Variants in RPH3A observed in about 807,000 individuals in gnomAD.
The protein encoded by RPH3A is rabphilin 3A.
Under a neutral mutation model 102.2 loss-of-function variants are expected in RPH3A, and 48 were observed. That is an observed-to-expected ratio of 0.47 (90% CI 0.37 to 0.60). RPH3A has a LOEUF of 0.60. Ranked by LOEUF, RPH3A falls within the 20% of genes least tolerant of loss-of-function variation. The pLI is 0.00. For missense variants in RPH3A, 781 were observed against 910.1 expected, an observed-to-expected ratio of 0.86 and a Z score of 1.83; for synonymous variants, 310 against 324.3, an observed-to-expected ratio of 0.96 and a Z score of 0.47.
chr12:112,612,135 TG>T (rs1313846820), intron 1 of RPH3A, among the ~76,000 whole-genome samples: 3 of 152,240 alleles, frequency 2.0e-5, no homozygotes, highest in Admixed American at 1.3e-4. Context: ...CAATGTCTAT[TG>T]AATAACTCAG....
intron 1 of RPH3A, among the ~76,000 whole-genome samples, chr12:112,744,438 C>T (rs189654066): frequency 5.3e-5 from 8 of 152,228 alleles, no homozygotes; most frequent in East Asian, 1.9e-4. Flanking sequence ...ACTCTGACTC[C>T]GTGGTATTTA....
At chr12:112,762,748 G>A (rs2040862337) in intron 1 of RPH3A, among the ~76,000 whole-genome samples, 1 of 152,152 alleles carries the variant, frequency 6.6e-6, no homozygotes, top group Non-Finnish European at 1.5e-5. Flanking sequence ...GGGGCAAGGT[G>A]ATCAACTGTT....
intron 3 of RPH3A, among the ~76,000 whole-genome samples, chr12:112,830,905 A>G (rs1262318791): frequency 6.6e-6 from 1 of 151,980 alleles, no homozygotes; most frequent in East Asian, 1.9e-4. Flanking sequence ...TGTTTAATTC[A>G]GTGTGGTAAT....
chr12:112,875,160 T>A lies in RPH3A; in HGVS notation c.873T>A (p.Pro291=). Residue 291 remains proline (P), a synonymous_variant, in exon 11 of 22, where the codon CCT becomes CCA. Transcript: ENST00000389385. ...TGCAGAGCCCAGCGCCACCTCAGCC[T>A]GGGCAGCCAGGTACCTGCCACTCAC... ...GSVQSPAPPQ[P]GQPGTPGGSR... The A allele has an allele frequency of 6.2e-7, 1 of 1,600,250 alleles. No homozygotes were observed. The highest frequency in any genetic ancestry group is 8.5e-7 in the Non-Finnish European group (1 of 1,173,832).
intron 1 of RPH3A, among the ~76,000 whole-genome samples, chr12:112,583,518 G>A (rs903015635): frequency 5.9e-5 from 9 of 152,112 alleles, no homozygotes; most frequent in African/African-American, 1.7e-4. Flanking sequence ...GGAGGAGATT[G>A]ATAAAGGGAT....
rs375610789 is a variant in RPH3A, at chr12:112,808,282, A to G, written c.-19+16019A>G. 2.2e-4 allele frequency among the ~76,000 whole-genome samples: 34 copies of G among 152,360 alleles called. No individual in the cohort carries two copies. The East Asian group carries it at 3.1e-3, about 14-fold the overall frequency. On this transcript the variant is annotated intron_variant, in intron 2 of 21. Transcript: ENST00000389385. The stretch of plus-strand genomic sequence containing the variant: ...AGGTCTTTTATGAAACCAGCTCTGC[A>G]GCCTGATCTTTCTAACCTGATTAAT...
At chr12:112,811,916 A>G (rs1236104719) in intron 2 of RPH3A, among the ~76,000 whole-genome samples, 2 of 152,160 alleles carry the variant, frequency 1.3e-5, no homozygotes, top group Admixed American at 6.5e-5. Flanking sequence ...CAGAGGCTCA[A>G]CAATAGGCTA....
chr12:112,760,586 C>CT (rs1437449883), intron 1 of RPH3A, among the ~76,000 whole-genome samples: 2 of 152,128 alleles, frequency 1.3e-5, no homozygotes, highest in Non-Finnish European at 2.9e-5. Flanking sequence ...TTCAGATAGT[C>CT]TTTGAGGACC....
chr12:112,700,582 C>T (rs966907588), intron 1 of RPH3A, among the ~76,000 whole-genome samples: 1 of 152,226 alleles, frequency 6.6e-6, no homozygotes, highest in Non-Finnish European at 1.5e-5. Context: ...GAATTACACT[C>T]TCCGAGTCTG....
At chr12:112,879,034 G>T in intron 13 of RPH3A, 85 bp from the exon 14 acceptor site, 1 of 1,218,936 alleles carries the variant, frequency 8.2e-7, no homozygotes, top group Non-Finnish European at 1.2e-6. Context: ...TCACAGCCCA[G>T]CCTGGGCATA....
intron 1 of RPH3A, among the ~76,000 whole-genome samples, chr12:112,763,526 T>C (rs956028399): frequency 6.6e-6 from 1 of 152,164 alleles, no homozygotes; most frequent in Non-Finnish European, 1.5e-5. Flanking sequence ...TTTCCAACAA[T>C]TGGTTGAGAA....
chr12:112,668,431 A>G (rs1271499545), intron 1 of RPH3A, among the ~76,000 whole-genome samples: 1 of 152,146 alleles, frequency 6.6e-6, no homozygotes, highest in African/African-American at 2.4e-5. Context: ...TCAATGATAA[A>G]CTGGGTAAAT....
chr12:112,717,340 G>A lies in RPH3A; in HGVS notation c.-139-74803G>A, dbSNP rs116089218. On this transcript the variant is annotated intron_variant, in intron 1 of 21. Transcript: ENST00000543106. ...CTCCTACCCTCAACCTCTGGCAACC[G>A]TTGATCTGTTCTTCATTCCTATAGT... 1.5e-3 allele frequency among the ~76,000 whole-genome samples: 224 copies of A among 152,070 alleles called. 2 individuals are homozygous for A. Among genetic ancestry groups the A allele is most frequent in the African/African-American group, 4.5e-3 (185 of 41,480 alleles).
At chr12:112,819,672 C>A (rs1289671479) in intron 2 of RPH3A, among the ~76,000 whole-genome samples, 1 of 152,208 alleles carries the variant, frequency 6.6e-6, no homozygotes, top group Non-Finnish European at 1.5e-5. Context: ...TTCAGCTAGG[C>A]CAAACTTGGA....
chr12:112,789,604 C>A (rs1158382600), upstream of RPH3A, among the ~76,000 whole-genome samples: 1 of 152,076 alleles, frequency 6.6e-6, no homozygotes, highest in African/African-American at 2.4e-5. Flanking sequence ...ATGGTGAGGA[C>A]TTCAGAAGAT....
chr12:112,897,792 G>A lies in RPH3A; in HGVS notation c.*1012G>A, dbSNP rs1335591086. On this transcript the variant is annotated 3_prime_UTR_variant, in exon 22 of 22. Transcript: ENST00000389385. ...ATTCCCAGGGCTTGGGCCAATGGCT[G>A]GCACTGCCCTGAGTGCATGGCAGCA... is the stretch of plus-strand genomic sequence containing the variant. 2 of 152,268 alleles carry A rather than the reference G, an allele frequency of 1.3e-5. No individual in the cohort carries two copies. Among genetic ancestry groups the A allele is most frequent in the Non-Finnish European group, 2.9e-5 (2 of 68,114 alleles). The allele number at this position is 152,268 out of a possible 1,614,324, so 9.4% of individuals were successfully genotyped here.
chr12:112,650,783 G>T (rs2039968739), intron 1 of RPH3A: 1 of 151,248 alleles, frequency 6.6e-6, no homozygotes, highest in South Asian at 2.1e-4. Context: ...AGGCTGGAGT[G>T]CAGGAGCAGA....
At chr12:112,853,450 T>G (rs2042356803) in intron 5 of RPH3A, among the ~76,000 whole-genome samples, 1 of 152,286 alleles carries the variant, frequency 6.6e-6, no homozygotes, top group African/African-American at 2.4e-5. Flanking sequence ...GATTATTGAG[T>G]AGTACCTCAG....
intron 8 of RPH3A, chr12:112,868,808 C>A: frequency 4.2e-6 from 2 of 479,094 alleles, no homozygotes; most frequent in Non-Finnish European, 7.3e-6. Context: ...AATGCCAAGC[C>A]GCCCAGAGGC....
Sources: gnomAD v4.1 joint callset for allele counts (sites outside exome capture counted in the v4.1 genomes callset) on GRCh38, gnomAD v4.1.1 for gene constraint, MANE v1.5 for transcripts, NCBI Gene and HGNC (gene_info 2026-07-23, HGNC 2026-07-21) for gene names.